The following GON4L variants were observed in gnomAD, a reference collection of about 807,000 sequenced individuals.
The protein encoded by GON4L is gon-4 like.
GON4L carries 87 observed loss-of-function variants against 211.8 expected under a neutral mutation model. The observed-to-expected ratio is 0.41, with a 90% CI of 0.35 to 0.49. The LOEUF (loss-of-function observed/expected upper bound fraction) is 0.49, where lower values mean the gene tolerates loss of function less well. GON4L is among the 20% of genes least tolerant of loss of function. GON4L has a pLI of 0.15. For missense variants in GON4L, 2,155 were observed against 2,659.5 expected (o/e 0.81, Z 4.17); for synonymous variants, 875 against 962.6 (o/e 0.91, Z 1.68).
chr1:155,853,989 C>T (rs1672041599), intron 1 of GON4L, among the ~76,000 whole-genome samples, 183 bp from the exon 2 acceptor site: 1 of 152,188 alleles, frequency 6.6e-6, no homozygotes, highest in Non-Finnish European at 1.5e-5. Flanking sequence ...CTCAACTCTA[C>T]TGATTACTAC....
intron 6 of GON4L, among the ~76,000 whole-genome samples, chr1:155,817,923 GAAAAAAAAA>G (rs749238086): frequency 2.7e-5 from 2 of 74,232 alleles, no homozygotes; most frequent in Admixed American, 1.6e-4. Flanking sequence ...GCAAGTCACT[GAAAAAAAAA>G]AAAAAAAAAA....
chr1:155,824,615 G>A (rs6702507), intron 3 of GON4L, among the ~76,000 whole-genome samples: 3,866 of 150,608 alleles, frequency 0.026, 168 homozygotes, highest in African/African-American at 0.087. Context: ...GTGGTGGAGC[G>A]CACCTGTAAT....
intron 12 of GON4L, among the ~76,000 whole-genome samples, chr1:155,791,883 A>ATAACG (rs1665611025): frequency 1.1e-5 from 1 of 87,472 alleles, no homozygotes; most frequent in Non-Finnish European, 2.4e-5. Context: ...ATAACATAAC[A>ATAACG]TAACATAACA....
At chr1:155,753,077 C>G in intron 29 of GON4L, 127 bp downstream of exon 29, 1 of 697,198 alleles carries the variant, frequency 1.4e-6, no homozygotes, top group Non-Finnish European at 2.5e-6. Context: ...TCCTATGGGT[C>G]CATCAGTGAA....
At chr1:155,793,285 C>T (rs1468465432) in intron 12 of GON4L, among the ~76,000 whole-genome samples, 1 of 152,114 alleles carries the variant, frequency 6.6e-6, no homozygotes, top group Non-Finnish European at 1.5e-5. Context: ...AAATGGTATT[C>T]TAATCTTAAA....
At chr1:155,798,270 C>CTATT (rs10695337) in intron 11 of GON4L, among the ~76,000 whole-genome samples, 141,168 of 150,864 alleles carry the variant, frequency 0.94, 66,810 homozygotes, top group East Asian at 1. Context: ...TTACACATAA[C>CTATT]TAATTATCAA....
chr1:155,850,788 C>T (rs1235791491), intron 2 of GON4L, among the ~76,000 whole-genome samples: 1 of 151,986 alleles, frequency 6.6e-6, no homozygotes, highest in Non-Finnish European at 1.5e-5. Flanking sequence ...CAGTGGTTCA[C>T]GCCTGTAATC....
chr1:155,816,493 G>A (rs1414865578), intron 6 of GON4L, among the ~76,000 whole-genome samples: 1 of 152,128 alleles, frequency 6.6e-6, no homozygotes, highest in African/African-American at 2.4e-5. Context: ...CACCTGGTAA[G>A]CCTCACTTCT....
Position 155,763,381 on chromosome 1 carries a change from CAG to C in GON4L, c.4655_4656del (p.Ser1552CysfsTer2), listed in dbSNP as rs1557831257. The C allele has an allele frequency of 6.2e-7, 1 of 1,611,888 alleles. No individual in the cohort carries two copies. Among genetic ancestry groups the C allele is most frequent in the African/African-American group, 1.3e-5 (1 of 75,048 alleles). ...DEMTDEAVGD[S>X]AEKPPTFASP... The stretch of plus-strand genomic sequence containing the variant: ...GAAGCAAAAGTAGGAGGCTTCTCAG[CAG>C]AGTCTCCAACTGCTTCATCCGTCAT... On this transcript the variant is annotated frameshift_variant, in exon 22 of 32. Transcript: ENST00000368331. LOFTEE classifies it high-confidence loss of function.
rs1450136749 is a variant in GON4L at position 155,811,868 on chromosome 1, C to A, written c.1452+1766G>T. 2.7e-5 allele frequency among the ~76,000 whole-genome samples: 4 copies of A among 148,408 alleles called. No individual in the cohort carries two copies. The East Asian group carries it at 8.0e-4, about 30-fold the overall frequency. On this transcript the variant is annotated intron_variant, in intron 10 of 31. Coordinates refer to ENST00000368331, the MANE Select transcript of GON4L (RefSeq NM_001282860.2). ...GAGATCAAGATCATCCTGGCTAACA[C>A]AGTGAAACTCCATTTCTACTAAAAA...
chr1:155,856,403 CTTT>C (rs111851717), intron 1 of GON4L, among the ~76,000 whole-genome samples: 14 of 143,292 alleles, frequency 9.8e-5, no homozygotes, highest in African/African-American at 3.6e-4. Context: ...GACTTTTTTT[CTTT>C]TTTTTTTTTT....
rs73001081 is a variant in GON4L at position 155,818,004 on chromosome 1, G to A, written c.1015-1742C>T. Among the ~76,000 whole-genome samples, 851 of 151,144 alleles carry A rather than the reference G, an allele frequency of 5.6e-3. 7 individuals carry two copies. Among genetic ancestry groups the A allele is most frequent in the African/African-American group, 0.019 (797 of 41,168 alleles). ...CTTGCTCTCCTACGTAAACTATACCGTCTTGGATGGCCCAACTTCTCCACA... is the reference window on the plus strand; with the variant it reads ...CTTGCTCTCCTACGTAAACTATACCATCTTGGATGGCCCAACTTCTCCACA... On this transcript the variant is annotated intron_variant, in intron 6 of 31. Transcript: ENST00000368331.
intron 2 of GON4L, among the ~76,000 whole-genome samples, chr1:155,827,353 CTATAAA>C (rs1431929548): frequency 5.3e-5 from 8 of 152,088 alleles, no homozygotes; most frequent in Non-Finnish European, 8.8e-5. Context: ...ATTTCATCAA[CTATAAA>C]TATAATCATA....
At chr1:155,819,462 C>T (rs986010023) in intron 6 of GON4L, among the ~76,000 whole-genome samples, 2 of 152,056 alleles carry the variant, frequency 1.3e-5, no homozygotes, top group Admixed American at 1.3e-4. Flanking sequence ...CATTACGTTG[C>T]CCAGGCTGGT....
chr1:155,845,950 C>G (rs1671192261), intron 2 of GON4L: 1 of 215,704 alleles, frequency 4.6e-6, no homozygotes, highest in Non-Finnish European at 9.9e-6. Context: ...CAAACCAGGT[C>G]CTGGATTTGA....
chr1:155,832,491 T>C (rs1234484643), intron 2 of GON4L, among the ~76,000 whole-genome samples: 1 of 151,414 alleles, frequency 6.6e-6, no homozygotes, highest in Non-Finnish European at 1.5e-5. Flanking sequence ...ATACAAAAAT[T>C]AGCCAGGTGT....
chr1:155,822,061 A>G (rs1668785698), intron 4 of GON4L, among the ~76,000 whole-genome samples: 1 of 152,244 alleles, frequency 6.6e-6, no homozygotes, highest in South Asian at 2.1e-4. Flanking sequence ...GGAACAGTTT[A>G]TCTTTCCAAT....
chr1:155,805,565 G>C (rs1667050393), intron 10 of GON4L, among the ~76,000 whole-genome samples: 1 of 151,826 alleles, frequency 6.6e-6, no homozygotes, highest in Non-Finnish European at 1.5e-5. Context: ...TCTATTTTCT[G>C]TCTCTATGGA....
At chr1:155,763,928 G>A (rs1429831866) in intron 21 of GON4L, among the ~76,000 whole-genome samples, 1 of 151,506 alleles carries the variant, frequency 6.6e-6, no homozygotes, top group African/African-American at 2.4e-5. Context: ...GCTTGAACCC[G>A]GGAGGTGGAG....
Sources: gnomAD v4.1 joint callset for allele counts (sites outside exome capture counted in the v4.1 genomes callset) on GRCh38, gnomAD v4.1.1 for gene constraint, MANE v1.5 for transcripts, NCBI Gene and HGNC (gene_info 2026-07-23, HGNC 2026-07-21) for gene names.